The following IGSF10 variants were observed in gnomAD, a reference collection of about 807,000 sequenced individuals.
The protein encoded by IGSF10 is calvaria mechanical force protein 608.
A neutral mutation model predicts 128.2 loss-of-function variants in IGSF10; 126 were observed. The ratio of observed to expected loss-of-function variants is 0.98; its 90% CI spans 0.85 to 1.14. The LOEUF (loss-of-function observed/expected upper bound fraction) is 1.14. IGSF10 is among the 50% of genes most tolerant of loss of function. IGSF10 has a pLI of 0.00. For synonymous variants in IGSF10, 1,185 were observed against 1,146.2 expected (o/e 1.03, Z -0.68); for missense variants, 3,295 against 3,149.8 (o/e 1.05, Z -1.10).
Position 151,437,685 on chromosome 3 carries a change from G to T in IGSF10, c.6876C>A (p.Val2292=), listed in dbSNP as rs1382052227. The part of the protein sequence containing the change: ...TAPYYGSRIT[V]HKNGTLEIRN... ...TAATTTCCAAGGTTCCATTTTTATG[G>T]ACTGTGATTCTGCTTCCATAGTATG... The change falls in exon 8 of 8, where the codon GTC becomes GTA. Residue 2292 remains valine (V), a synonymous_variant. Coordinates refer to ENST00000282466, the MANE Select transcript of IGSF10 (RefSeq NM_178822.5). The T allele has an allele frequency of 6.2e-7, 1 of 1,614,022 alleles. No individual in the cohort carries two copies. Among genetic ancestry groups the T allele is most frequent in the Non-Finnish European group, 8.5e-7 (1 of 1,180,038 alleles).
chr3:151,471,915 T>A, the IGSF10 span, among the ~76,000 whole-genome samples: 373 of 152,310 alleles, frequency 2.4e-3, 4 homozygotes, highest in Middle Eastern at 0.024. Context: ...AACAATGCAA[T>A]GCATCTCATT....
Position 151,443,686 on chromosome 3 carries a change from T to C in IGSF10, c.5261A>G (p.Glu1754Gly). Reference protein sequence around the residue: ...PPRILERRTKEITVHSGSTVE... With the variant: ...PPRILERRTKGITVHSGSTVE... ...AGTGCTTCCGGAATGAACTGTGATC[T>C]CTTTGGTACGTCTCTCCAGGATCCT... The change falls in exon 7 of 8, where the codon GAG (glutamate) becomes GGG (glycine). Residue 1754 changes from glutamate (E) to glycine (G), a missense_variant. By Grantham distance (98) the Glu-to-Gly change is moderately conservative. Transcript: ENST00000282466. 3 of 1,614,210 alleles carry C rather than the reference T, an allele frequency of 1.9e-6. No homozygotes were observed. The highest frequency in any genetic ancestry group is 2.5e-6 in the Non-Finnish European group (3 of 1,180,036).
chr3:151,461,188 A>C, upstream of IGSF10: 2 of 985,252 alleles, frequency 2.0e-6, no homozygotes, highest in Non-Finnish European at 2.4e-6. Flanking sequence ...GTGGGAAGCT[A>C]ATTCGCCGTG....
the IGSF10 span, among the ~76,000 whole-genome samples, chr3:151,571,831 C>G: frequency 0.016 from 2,462 of 152,254 alleles, 21 homozygotes; most frequent in South Asian, 0.025. Flanking sequence ...AGTTTTTGCC[C>G]ATTCAGTATG....
chr3:151,511,021 C>T, the IGSF10 span, among the ~76,000 whole-genome samples: 2 of 152,162 alleles, frequency 1.3e-5, no homozygotes, highest in Admixed American at 1.3e-4. Flanking sequence ...GAGAATGGAA[C>T]CCAGTTGGAA....
chr3:151,434,066 T>G (rs1262370988), downstream of IGSF10: 1 of 152,580 alleles, frequency 6.6e-6, no homozygotes, highest in Non-Finnish European at 1.5e-5. Context: ...CATAAAATTT[T>G]GAATGTGAAA....
Position 151,445,898 on chromosome 3 carries a change from A to G in IGSF10, c.4083T>C (p.Ser1361=). The change falls in exon 6 of 8, where the codon TCT becomes TCC. Residue 1361 remains serine, a synonymous_variant. Transcript: ENST00000282466. ...TAGTGAAGCCAGAACTCTGGTCTGG[A>G]GAGATGTTTGGGTCAGTCCTGTTCT... is the stretch of plus-strand genomic sequence containing the variant. ...QKKNRTDPNI[S]PDQSSGFTTP... is the part of the protein sequence containing the mutation. 4 of 1,614,106 alleles carry G rather than the reference A, an allele frequency of 2.5e-6. No homozygotes were observed. Among genetic ancestry groups the G allele is most frequent in the Non-Finnish European group, 3.4e-6 (4 of 1,180,030 alleles).
chr3:151,615,699 T>A, the IGSF10 span, among the ~76,000 whole-genome samples: 1 of 152,092 alleles, frequency 6.6e-6, no homozygotes, highest in Non-Finnish European at 1.5e-5. Context: ...CAAGGGCAGA[T>A]AAAAATTATG....
At position 151,436,669 on chromosome 3, in the gene IGSF10, G is replaced by A. The variant is rs772591857; in HGVS notation, c.*20C>T. Reference sequence around the variant, plus strand: ...AAAAAATAAATTCTGCCCAGATGTTGTTGACTTTATTATTTCATGTCAGAT... The same window carrying A: ...AAAAAATAAATTCTGCCCAGATGTTATTGACTTTATTATTTCATGTCAGAT... On this transcript the variant is annotated 3_prime_UTR_variant, in exon 8 of 8. Coordinates refer to ENST00000282466, the MANE Select transcript of IGSF10 (RefSeq NM_178822.5). The A allele has an allele frequency of 6.5e-7, 1 of 1,531,200 alleles. No individual in the cohort carries two copies. The highest frequency in any genetic ancestry group is 8.8e-7 in the Non-Finnish European group (1 of 1,130,072). The allele number at this position is 1,531,200 out of a possible 1,614,324, so 94.9% of individuals were successfully genotyped here.
chr3:151,511,050 A>G, the IGSF10 span, among the ~76,000 whole-genome samples: 1 of 152,238 alleles, frequency 6.6e-6, no homozygotes, highest in African/African-American at 2.4e-5. Context: ...TCAGGATATT[A>G]TCCAGGAGAA....
chr3:151,443,106 G>A lies in IGSF10; in HGVS notation c.5841C>T (p.Ser1947=). Residue 1947 remains serine, a synonymous_variant, in exon 7 of 8, where the codon TCC becomes TCT. Transcript: ENST00000282466. ...RVTSPRIEAA[S]QKRTEVNFGD... The stretch of plus-strand genomic sequence containing the variant: ...CAAAATTCACTTCAGTCCTTTTCTG[G>A]GATGCAGCTTCTATCCTGGGGCTGG... 1 of 1,614,126 alleles carries A rather than the reference G, an allele frequency of 6.2e-7. No individual in the cohort carries two copies. Among genetic ancestry groups the A allele is most frequent in the Non-Finnish European group, 8.5e-7 (1 of 1,180,032 alleles).
the IGSF10 span, among the ~76,000 whole-genome samples, chr3:151,534,943 T>C: frequency 6.6e-6 from 1 of 152,048 alleles, no homozygotes; most frequent in South Asian, 2.1e-4. Context: ...GTTACAAGCA[T>C]ACACGAACTT....
chr3:151,509,987 C>A, the IGSF10 span, among the ~76,000 whole-genome samples: 1 of 152,208 alleles, frequency 6.6e-6, no homozygotes, highest in African/African-American at 2.4e-5. Flanking sequence ...GAAGCTGGAA[C>A]TGGGTGGAGC....
chr3:151,447,603 T>C lies in IGSF10; in HGVS notation c.2378A>G (p.Glu793Gly). ...AGCGAGCATGCCTGAGGAATCGTCTTCTTCACCAGGTATGTTTGGGAGTTG... is the reference window on the plus strand; with the variant it reads ...AGCGAGCATGCCTGAGGAATCGTCTCCTTCACCAGGTATGTTTGGGAGTTG... ...VTQLPNIPGE[E>G]DDSSGMLALH... is the part of the protein sequence containing the mutation. The change falls in exon 6 of 8, where the codon GAA (glutamate) becomes GGA (glycine). Residue 793 changes from glutamate (E) to glycine (G), a missense_variant. Physicochemically the swap from Glu to Gly is moderately conservative, Grantham distance 98 (BLOSUM62 -2). Transcript: ENST00000282466. 6.2e-7 allele frequency: 1 copy of C among 1,614,140 alleles called. No individual in the cohort carries two copies. Among genetic ancestry groups the C allele is most frequent in the Non-Finnish European group, 8.5e-7 (1 of 1,180,026 alleles).
At chr3:151,504,265 G>T in the IGSF10 span, among the ~76,000 whole-genome samples, 1 of 152,176 alleles carries the variant, frequency 6.6e-6, no homozygotes, top group Non-Finnish European at 1.5e-5. Context: ...GAGTTGGTTA[G>T]GTTAGGTCTT....
At chr3:151,548,982 G>A in the IGSF10 span, among the ~76,000 whole-genome samples, 2 of 151,804 alleles carry the variant, frequency 1.3e-5, no homozygotes, top group East Asian at 3.9e-4. Flanking sequence ...TTTTCTTCTT[G>A]TCTATACTAG....
the IGSF10 span, among the ~76,000 whole-genome samples, chr3:151,569,335 G>C: frequency 1.3e-5 from 2 of 152,170 alleles, no homozygotes; most frequent in African/African-American, 4.8e-5. Context: ...GCCTTCTATA[G>C]TGCCAGAATT....
At chr3:151,548,899 G>A in the IGSF10 span, among the ~76,000 whole-genome samples, 1 of 150,616 alleles carries the variant, frequency 6.6e-6, no homozygotes, top group Non-Finnish European at 1.5e-5. Flanking sequence ...TCTAATTCTT[G>A]TCATAGTTTT....
chr3:151,448,108 G>A lies in IGSF10; in HGVS notation c.1873C>T (p.Leu625=). 6.2e-7 allele frequency: 1 copy of A among 1,614,112 alleles called. No homozygotes were observed. Among genetic ancestry groups the A allele is most frequent in the Non-Finnish European group, 8.5e-7 (1 of 1,180,018 alleles). ...LYQSSRDKKV[L]NNGTLRILQV... ...AATATTCTTAATGTGCCATTGTTTA[G>A]AACTTTCTTGTCTCTTGATGACTGA... Residue 625 remains leucine (L), a synonymous_variant, in exon 6 of 8, where the codon CTA becomes TTA. Coordinates refer to ENST00000282466, the MANE Select transcript of IGSF10 (RefSeq NM_178822.5).
Sources: gnomAD v4.1 joint callset for allele counts (sites outside exome capture counted in the v4.1 genomes callset) on GRCh38, gnomAD v4.1.1 for gene constraint, MANE v1.5 for transcripts, NCBI Gene and HGNC (gene_info 2026-07-23, HGNC 2026-07-21) for gene names.